Variants in ABR observed in about 807,000 individuals in gnomAD.
The protein encoded by ABR is active breakpoint cluster region-related protein.
In ABR, 35 loss-of-function variants were observed where a neutral mutation model predicts 107.2. The ratio of observed to expected loss-of-function variants is 0.33; its 90% confidence interval spans 0.25 to 0.43. The LOEUF is 0.43. ABR is among the 20% of genes least tolerant of loss of function. The probability of loss-of-function intolerance (pLI) is 1.00; values close to 1 mark genes in which losing one functional copy is unlikely to be tolerated. For synonymous variants in ABR, 498 were observed against 462.0 expected (o/e 1.08, Z -1.00); for missense variants, 815 against 1,115.2 (o/e 0.73, Z 3.83).
intron 3 of ABR, among the ~76,000 whole-genome samples, chr17:1,098,504 C>G (rs2037639870): frequency 6.6e-6 from 1 of 152,216 alleles, no homozygotes; most frequent in Non-Finnish European, 1.5e-5. Context: ...GTGTATGATG[C>G]ATGCTGACAT....
chr17:1,151,106 CCT>C (rs1235898323), intron 1 of ABR, among the ~76,000 whole-genome samples: 1 of 152,152 alleles, frequency 6.6e-6, no homozygotes, highest in Non-Finnish European at 1.5e-5. Context: ...CCTCTCTGTG[CCT>C]CTGTTTTACC....
chr17:1,062,040 G>A (rs1371724540), intron 10 of ABR, among the ~76,000 whole-genome samples: 3 of 152,196 alleles, frequency 2.0e-5, no homozygotes, highest in Non-Finnish European at 4.4e-5. Context: ...CCAAGACTGT[G>A]GTGGGCGTGG....
chr17:1,145,776 G>A (rs1478994533), intron 1 of ABR, among the ~76,000 whole-genome samples: 1 of 152,156 alleles, frequency 6.6e-6, no homozygotes, highest in African/African-American at 2.4e-5. Flanking sequence ...TCCACCCCAG[G>A]GTGCCCTTCA....
chr17:1,053,577 G>A (rs1268437534), intron 14 of ABR, among the ~76,000 whole-genome samples: 2 of 152,144 alleles, frequency 1.3e-5, no homozygotes, highest in Admixed American at 1.3e-4. Context: ...TACACCCTGG[G>A]CCTGCCTGTC....
intron 12 of ABR, 50 bp from the exon 13 acceptor site, chr17:1,057,152 A>T: frequency 3.8e-6 from 5 of 1,306,436 alleles, no homozygotes; most frequent in Non-Finnish European, 5.5e-6. Context: ...GTCCACCAGG[A>T]CCGGCTGCTC....
At chr17:1,057,912 A>C in intron 12 of ABR, 58 bp downstream of exon 12, 4 of 1,502,506 alleles carry the variant, frequency 2.7e-6, no homozygotes, top group Non-Finnish European at 3.7e-6. Context: ...TTAGAAATAC[A>C]AAAGGCCCAT....
rs535077386 is a variant in ABR, at chr17:1,027,906, C to T, written c.1792-14742G>A. ...GATTATAAAATAAAGTAGACGAGCC[C>T]AAGACATATCTGTATCTTGTACCCA... On this transcript the variant is annotated intron_variant, in intron 16 of 22. Transcript: ENST00000302538. The surrounding 1 kb of genome is among the most constrained non-coding windows in gnomAD (Gnocchi z 4.7). Among the ~76,000 whole-genome samples the T allele has an allele frequency of 2.6e-4, 40 of 152,144 alleles. No homozygotes were observed. In the South Asian group the frequency reaches 4.8e-3, roughly 18 times the overall value.
At chr17:1,117,812 T>TC (rs1295215949) in intron 2 of ABR, among the ~76,000 whole-genome samples, 1 of 43,674 alleles carries the variant, frequency 2.3e-5, no homozygotes, top group South Asian at 6.7e-4. Flanking sequence ...TGAGCCTGAG[T>TC]CCTCCCAGCG....
At chr17:1,223,775 A>T (rs9747738) in intron 1 of ABR, among the ~76,000 whole-genome samples, 1 of 152,020 alleles carries the variant, frequency 6.6e-6, no homozygotes, top group South Asian at 2.1e-4. Context: ...GCAGGAGAGC[A>T]AGCAAGCCTG....
At chr17:1,058,098 C>T in intron 11 of ABR, 53 bp from the exon 12 acceptor site, 1 of 1,283,818 alleles carries the variant, frequency 7.8e-7, no homozygotes, top group East Asian at 2.3e-5. Flanking sequence ...GCAAAGCGTA[C>T]TCCCAGATCC....
At chr17:1,068,733 G>C (rs975768527) in intron 9 of ABR, among the ~76,000 whole-genome samples, 4 of 152,220 alleles carry the variant, frequency 2.6e-5, no homozygotes, top group African/African-American at 4.8e-5. Flanking sequence ...CTCCCGGGTA[G>C]AGAGAAGGAG....
chr17:1,025,138 A>AAAAAAAAAAAAAAAC (rs2072085791), intron 16 of ABR, among the ~76,000 whole-genome samples: 1 of 124,396 alleles, frequency 8.0e-6, no homozygotes, highest in Non-Finnish European at 1.7e-5. Flanking sequence ...AAAAAAAAAA[A>AAAAAAAAAAAAAAAC]TACAAAACTT....
chr17:1,138,591 C>G (rs1042832327), intron 1 of ABR, among the ~76,000 whole-genome samples: 1 of 152,150 alleles, frequency 6.6e-6, no homozygotes, highest in Admixed American at 6.5e-5. Context: ...GATCCCCCTG[C>G]CTCAGCCTCC....
chr17:1,073,971 C>G (rs569262242), intron 6 of ABR, among the ~76,000 whole-genome samples: 10 of 140,730 alleles, frequency 7.1e-5, no homozygotes, highest in African/African-American at 2.3e-4. Flanking sequence ...CAGGCCTGTC[C>G]TGGCCTCACC....
intron 5 of ABR, among the ~76,000 whole-genome samples, chr17:1,082,108 G>C (rs1465257796): frequency 6.6e-6 from 1 of 152,118 alleles, no homozygotes; most frequent in Non-Finnish European, 1.5e-5. Flanking sequence ...TCTAGCGTTA[G>C]AGCTGAGACG....
chr17:1,105,005 T>G (rs919886614), intron 2 of ABR, among the ~76,000 whole-genome samples: 2 of 131,466 alleles, frequency 1.5e-5, no homozygotes, highest in African/African-American at 6.7e-5. Flanking sequence ...TACAGTAACT[T>G]TTTTTTTTTT....
chr17:1,134,438 TTA>T (rs1417226972), intron 1 of ABR, among the ~76,000 whole-genome samples: 2 of 151,972 alleles, frequency 1.3e-5, no homozygotes, highest in Non-Finnish European at 2.9e-5. Context: ...ATTAATTAAA[TTA>T]AATTAAATAA....
intron 2 of ABR, among the ~76,000 whole-genome samples, chr17:1,123,311 G>T (rs1014093109): frequency 6.6e-6 from 1 of 152,166 alleles, no homozygotes; most frequent in African/African-American, 2.4e-5. Flanking sequence ...GGGGCCACAA[G>T]CACTTTAGGG....
At chr17:1,138,646 TC>T (rs2040174001) in intron 1 of ABR, among the ~76,000 whole-genome samples, 1 of 151,982 alleles carries the variant, frequency 6.6e-6, no homozygotes, top group Admixed American at 6.6e-5. Flanking sequence ...CCTGGCTGAT[TC>T]GAAAAAGTTT....
Sources: allele counts gnomAD v4.1 joint callset (sites outside exome capture counted in the v4.1 genomes callset), GRCh38; gene constraint gnomAD v4.1.1; non-coding constraint Gnocchi (gnomAD v3.1); transcripts MANE v1.5; gene names NCBI Gene and HGNC (gene_info 2026-07-23, HGNC 2026-07-21).